Variants in SNX29 observed in about 807,000 individuals in gnomAD.
The protein encoded by SNX29 is sorting nexin 29.
A neutral mutation model predicts 102.1 loss-of-function variants in SNX29; 78 were observed. The observed-to-expected ratio is 0.76, with a 90% confidence interval of 0.64 to 0.92. The LOEUF (loss-of-function observed/expected upper bound fraction) is 0.92, where lower values mean the gene tolerates loss of function less well. Ranked by LOEUF, SNX29 falls within the 40% of genes least tolerant of loss-of-function variation. The pLI, the probability that SNX29 is intolerant of heterozygous loss-of-function variation, is 0.00. For synonymous variants in SNX29, 580 were observed against 414.5 expected, an observed-to-expected ratio of 1.40 and a Z score of -4.85; for missense variants, 1,280 against 1,061.7, an observed-to-expected ratio of 1.21 and a Z score of -2.86.
rs538568459 is a variant in SNX29 at position 12,552,902 on chromosome 16, G to T, written c.2319-15604G>T. Among the ~76,000 whole-genome samples, 8 of 152,370 alleles carry T rather than the reference G, an allele frequency of 5.3e-5. No individual in the cohort carries two copies. In the South Asian group the frequency reaches 1.2e-3, roughly 24 times the overall value. ...ACATGGACATGGAGGCAGGAGATAG[G>T]CAAGGGCAGCAGAGCTGATTGCTCC... is the stretch of plus-strand genomic sequence containing the variant. On this transcript the variant is annotated intron_variant, in intron 20 of 20. Coordinates refer to ENST00000566228, the MANE Select transcript of SNX29 (RefSeq NM_032167.5).
chr16:12,444,081 C>G (rs1646306), intron 18 of SNX29, among the ~76,000 whole-genome samples: 106,213 of 145,008 alleles, frequency 0.73, 39,263 homozygotes, highest in African/African-American at 0.9. Context: ...CTAGCACATA[C>G]TAAGCACTCA....
intron 5 of SNX29, 59 bp from the exon 6 acceptor site, chr16:12,046,325 G>T: frequency 6.4e-7 from 1 of 1,573,906 alleles, no homozygotes; most frequent in African/African-American, 1.3e-5. Context: ...GAATTTCCTG[G>T]TTAATGGACA....
intron 16 of SNX29, among the ~76,000 whole-genome samples, chr16:12,366,706 T>G (rs2082496499): frequency 6.6e-6 from 1 of 152,192 alleles, no homozygotes; most frequent in South Asian, 2.1e-4. Context: ...CTCTCTCCAT[T>G]TCTCCTCCTG....
chr16:12,459,396 G>A (rs2086680813), intron 18 of SNX29, among the ~76,000 whole-genome samples: 1 of 152,024 alleles, frequency 6.6e-6, no homozygotes, highest in South Asian at 2.1e-4. Flanking sequence ...GATTTTCCCA[G>A]CCTTGATCTC....
At chr16:12,483,122 T>TTTG (rs2088039274) in intron 19 of SNX29, among the ~76,000 whole-genome samples, 1 of 107,194 alleles carries the variant, frequency 9.3e-6, no homozygotes, top group Non-Finnish European at 1.8e-5. Context: ...AAGTTTTTTT[T>TTTG]TTTTTTTTTT....
chr16:11,998,216 AGAAACTGAATTTCAGTATCCTTT>A (rs2056160405), intron 1 of SNX29, among the ~76,000 whole-genome samples: 1 of 152,186 alleles, frequency 6.6e-6, no homozygotes, highest in Non-Finnish European at 1.5e-5. Context: ...GTCTGCCCTT[AGAAACTGAATTTCAGTATCCTTT>A]GAAGTGAATG....
chr16:12,303,120 GCTGT>G (rs1381908645), intron 15 of SNX29, among the ~76,000 whole-genome samples: 6 of 152,222 alleles, frequency 3.9e-5, no homozygotes, highest in Non-Finnish European at 8.8e-5. Flanking sequence ...TTACCGTGAA[GCTGT>G]CTGTCTGTTG....
In SNX29 at chr16:12,218,313, A is replaced by G. The variant is rs189279165; in HGVS notation, c.1678+18630A>G. 3.5e-4 allele frequency among the ~76,000 whole-genome samples: 52 copies of G among 147,112 alleles called. 1 individual carries two copies. Among genetic ancestry groups the G allele is most frequent in the Admixed American group, 3.3e-3 (50 of 14,980 alleles). The stretch of plus-strand genomic sequence containing the variant: ...TTTTTAGATCACCAGAGGTAATCAC[A>G]CAAATCTACTCCACAAACAAACGTA... On this transcript the variant is annotated intron_variant, in intron 14 of 20. Coordinates refer to ENST00000566228, the MANE Select transcript of SNX29 (RefSeq NM_032167.5).
At chr16:12,245,686 T>C (rs542925316) in intron 14 of SNX29, among the ~76,000 whole-genome samples, 2 of 152,246 alleles carry the variant, frequency 1.3e-5, no homozygotes, top group South Asian at 4.1e-4. Flanking sequence ...TCACAGGCCT[T>C]GGTCAGTGAA....
intron 18 of SNX29, among the ~76,000 whole-genome samples, chr16:12,409,026 G>T (rs934283233): frequency 6.6e-6 from 1 of 152,186 alleles, no homozygotes; most frequent in African/African-American, 2.4e-5. Context: ...AGGGAGCTGA[G>T]GTGTGTTATG....
intron 2 of SNX29, among the ~76,000 whole-genome samples, chr16:12,002,636 C>T (rs572921977): frequency 6.6e-6 from 1 of 152,324 alleles, no homozygotes; most frequent in African/African-American, 2.4e-5. Context: ...GTAATTATCG[C>T]CCGTGAAGAG....
intron 18 of SNX29, among the ~76,000 whole-genome samples, chr16:12,434,300 G>C (rs1217533431): frequency 1.3e-5 from 2 of 152,172 alleles, no homozygotes; most frequent in Non-Finnish European, 2.9e-5. Flanking sequence ...CTCAGTGGCT[G>C]TTTTTGTTTC....
chr16:12,192,229 T>C (rs1203007368), intron 13 of SNX29, among the ~76,000 whole-genome samples: 2 of 152,218 alleles, frequency 1.3e-5, no homozygotes, highest in East Asian at 1.9e-4. Flanking sequence ...TTTGCTTTCG[T>C]TCCCATGCTT....
chr16:12,356,037 A>C, intron 15 of SNX29, 126 bp from the exon 16 acceptor site: 1 of 776,548 alleles, frequency 1.3e-6, no homozygotes, highest in Non-Finnish European at 2.1e-6. Context: ...AGTGTCATTG[A>C]CTCCAGCCCC....
chr16:12,501,893 G>A (rs2089143715), intron 19 of SNX29, among the ~76,000 whole-genome samples: 2 of 152,160 alleles, frequency 1.3e-5, no homozygotes, highest in African/African-American at 4.8e-5. Context: ...ACATTGAGAT[G>A]TGGAGGCTGT....
intron 14 of SNX29, among the ~76,000 whole-genome samples, chr16:12,262,431 C>T (rs1173960569): frequency 6.6e-6 from 1 of 152,176 alleles, no homozygotes; most frequent in African/African-American, 2.4e-5. Flanking sequence ...TACTTAAGCA[C>T]ATGCACAAAG....
At position 11,976,776 on chromosome 16, in the gene SNX29, C is replaced by A. The variant is rs1466078087; in HGVS notation, c.-31C>A. ...CGCAGAAGCGGCAGCGGCGGCGGCG[C>A]GGCGCAGGCACCGGCCCGGGGAGAG... On this transcript the variant is annotated 5_prime_UTR_variant, in exon 1 of 21. Transcript: ENST00000566228. The A allele has an allele frequency of 7.6e-7, 1 of 1,323,964 alleles. No homozygotes were observed. The highest frequency in any genetic ancestry group is 9.7e-7 in the Non-Finnish European group (1 of 1,035,690). 82.0% of individuals were successfully genotyped at this position (1,323,964 alleles called of 1,614,324 possible). A position where few individuals can be genotyped will look rare whatever the true frequency, so the allele number is the denominator to read the frequency against.
At chr16:12,015,810 C>G (rs1199199540) in intron 3 of SNX29, among the ~76,000 whole-genome samples, 2 of 151,862 alleles carry the variant, frequency 1.3e-5, no homozygotes, top group Admixed American at 1.3e-4. Context: ...GCTAGGATTA[C>G]AGGCGCCTGA....
At chr16:12,550,911 G>C (rs1418541581) in intron 20 of SNX29, among the ~76,000 whole-genome samples, 1 of 152,168 alleles carries the variant, frequency 6.6e-6, no homozygotes, top group Non-Finnish European at 1.5e-5. Context: ...AGAATTGCTG[G>C]TTTTATTTAA....
Sources: allele counts gnomAD v4.1 joint callset (sites outside exome capture counted in the v4.1 genomes callset), GRCh38; gene constraint gnomAD v4.1.1; transcripts MANE v1.5; gene names NCBI Gene and HGNC (gene_info 2026-07-23, HGNC 2026-07-21).